The following CDKAL1 variants were observed in gnomAD, a reference collection of about 807,000 sequenced individuals.
The protein encoded by CDKAL1 is CDKAL1 threonylcarbamoyladenosine tRNA methylthiotransferase, also known as threonylcarbamoyladenosine tRNA methylthiotransferase.
Under a neutral mutation model 68.2 loss-of-function variants are expected in CDKAL1, and 32 were observed. The ratio of observed to expected loss-of-function variants is 0.47; its 90% CI spans 0.35 to 0.63. The LOEUF (loss-of-function observed/expected upper bound fraction) is 0.63, where lower values mean the gene tolerates loss of function less well. CDKAL1 is among the 30% of genes least tolerant of loss of function. CDKAL1 has a pLI of 0.00. For synonymous variants in CDKAL1, 234 were observed against 244.3 expected (o/e 0.96, Z 0.39); for missense variants, 606 against 696.7 (o/e 0.87, Z 1.47).
chr6:20,935,377 C>T (rs888516855), intron 9 of CDKAL1, among the ~76,000 whole-genome samples: 7 of 151,380 alleles, frequency 4.6e-5, no homozygotes, highest in Admixed American at 6.6e-5. Flanking sequence ...CTCCCTCATT[C>T]TTCTCATTTT....
At chr6:20,574,984 C>T (rs778860089) in intron 4 of CDKAL1, among the ~76,000 whole-genome samples, 2 of 151,984 alleles carry the variant, frequency 1.3e-5, no homozygotes, top group Admixed American at 6.6e-5. Context: ...AATGCATCCT[C>T]CTCATTTAAG....
chr6:20,833,781 T>A (rs570633957), intron 8 of CDKAL1, among the ~76,000 whole-genome samples: 1 of 152,300 alleles, frequency 6.6e-6, no homozygotes, highest in East Asian at 1.9e-4. Flanking sequence ...CTTTCCTTGT[T>A]TTTTAATGCC....
chr6:20,728,986 A>G (rs1772782226), intron 5 of CDKAL1, among the ~76,000 whole-genome samples: 2 of 152,224 alleles, frequency 1.3e-5, no homozygotes, highest in Admixed American at 1.3e-4. Context: ...TAATAATAAC[A>G]TATGGCATTT....
intron 9 of CDKAL1, among the ~76,000 whole-genome samples, chr6:20,943,332 A>G (rs1561903695): frequency 1.2e-5 from 1 of 86,402 alleles, no homozygotes; most frequent in African/African-American, 4.2e-5. Flanking sequence ...TTTTTTCAAA[A>G]AAAAAAAAAA....
chr6:20,722,415 T>A, intron 5 of CDKAL1: 1 of 250,136 alleles, frequency 4.0e-6, no homozygotes, highest in Non-Finnish European at 7.9e-6. Flanking sequence ...TTCTCTTAGA[T>A]TTGCAACTGG....
chr6:21,125,597 G>A (rs1308113929), intron 13 of CDKAL1, among the ~76,000 whole-genome samples: 3 of 152,144 alleles, frequency 2.0e-5, no homozygotes, highest in Admixed American at 1.3e-4. Context: ...GCTTGAACCC[G>A]GCGGGGGTGG....
intron 4 of CDKAL1, among the ~76,000 whole-genome samples, chr6:20,586,130 T>TATC: frequency 6.6e-6 from 1 of 152,284 alleles, no homozygotes; most frequent in East Asian, 1.9e-4. Context: ...TCCATAATCC[T>TATC]ATCATTTTTA....
intron 6 of CDKAL1, among the ~76,000 whole-genome samples, chr6:20,743,900 T>C (rs1050414123): frequency 6.6e-6 from 1 of 152,214 alleles, no homozygotes; most frequent in Non-Finnish European, 1.5e-5. Flanking sequence ...TAAAAAGTTT[T>C]AGCCAAAATC....
intron 11 of CDKAL1, among the ~76,000 whole-genome samples, chr6:21,016,750 C>T (rs539808708): frequency 3.9e-5 from 6 of 152,162 alleles, no homozygotes; most frequent in Middle Eastern, 3.4e-3. Context: ...TACCTTCTCC[C>T]ACCCAATCTA....
intron 2 of CDKAL1, among the ~76,000 whole-genome samples, chr6:20,537,844 T>C (rs1057075927): frequency 6.6e-6 from 1 of 151,532 alleles, no homozygotes; most frequent in African/African-American, 2.4e-5. Context: ...AACTTTCATT[T>C]CCATATGATT....
rs1767367561 is a variant in CDKAL1, at chr6:21,000,429, G to A, written c.1055+57G>A. 4 of 1,467,796 alleles carry A rather than the reference G, an allele frequency of 2.7e-6. No homozygotes were observed. The African/African-American group carries it at 5.6e-5, about 21-fold the overall frequency. The allele number at this position is 1,467,796 out of a possible 1,614,324, so 90.9% of individuals were successfully genotyped here. On this transcript the variant is annotated intron_variant, in intron 11 of 15. Transcript: ENST00000274695. ...TTTCTTTTTTCTTTCAAAAGCTTGT[G>A]GCAAAAATGCACTTATTGCAGCCTT...
chr6:21,063,723 T>A (rs1446258376), intron 11 of CDKAL1, among the ~76,000 whole-genome samples: 7 of 152,106 alleles, frequency 4.6e-5, no homozygotes, highest in Non-Finnish European at 7.4e-5. Context: ...TTGAATTAAT[T>A]TTTTTTGCAA....
At chr6:20,980,212 TA>T (rs1766052420) in intron 10 of CDKAL1, among the ~76,000 whole-genome samples, 13 of 151,792 alleles carry the variant, frequency 8.6e-5, no homozygotes, top group Admixed American at 6.6e-4. Context: ...GATATAGATA[TA>T]GATATAGATA....
rs1302235207 is a variant in CDKAL1, at chr6:21,102,110, T to G, written c.1237-6291T>G. Among the ~76,000 whole-genome samples the G allele has an allele frequency of 3.9e-5, 6 of 152,164 alleles. No homozygotes were observed. The East Asian group carries it at 1.2e-3, about 29-fold the overall frequency. On this transcript the variant is annotated intron_variant, in intron 12 of 15. Transcript: ENST00000274695. ...TTTTTCCATTATGTGTTCTAATCAT[T>G]TAGCCTTTCTTCAGCCCAACTAGGA...
intron 9 of CDKAL1, among the ~76,000 whole-genome samples, chr6:20,908,734 G>A (rs1189383880): frequency 6.6e-6 from 1 of 152,174 alleles, no homozygotes; most frequent in Non-Finnish European, 1.5e-5. Context: ...ATCTTCTAAT[G>A]AATAGACTGC....
At chr6:20,965,123 C>A (rs139599439) in intron 10 of CDKAL1, among the ~76,000 whole-genome samples, 1 of 152,068 alleles carries the variant, frequency 6.6e-6, no homozygotes, top group African/African-American at 2.4e-5. Context: ...CCAGCCTGTT[C>A]AATACAGTGA....
intron 7 of CDKAL1, among the ~76,000 whole-genome samples, chr6:20,778,675 A>G (rs1277789526): frequency 6.6e-6 from 1 of 152,204 alleles, no homozygotes; most frequent in Non-Finnish European, 1.5e-5. Context: ...GTGTTAAGTT[A>G]CAGTCCACAG....
intron 13 of CDKAL1, among the ~76,000 whole-genome samples, chr6:21,173,625 TG>T (rs1196215061): frequency 6.6e-6 from 1 of 152,184 alleles, no homozygotes; most frequent in African/African-American, 2.4e-5. Flanking sequence ...TGCTAGGTAG[TG>T]GGGCTATAAC....
At position 20,553,543 on chromosome 6, in the gene CDKAL1, G is replaced by T. The variant is rs967916724; in HGVS notation, c.286+4838G>T. On this transcript the variant is annotated intron_variant, in intron 4 of 15. Coordinates refer to ENST00000274695, the MANE Select transcript of CDKAL1 (RefSeq NM_017774.3). ...AACAAAAACAACAGCTTCATAAAGC[G>T]AACTGTCAGAGCAGTTTGCTGTTGT... Among the ~76,000 whole-genome samples the T allele has an allele frequency of 2.0e-5, 3 of 152,114 alleles. No individual in the cohort carries two copies. The South Asian group carries it at 6.2e-4, about 32-fold the overall frequency.
Sources: gnomAD v4.1 joint callset for allele counts (sites outside exome capture counted in the v4.1 genomes callset) on GRCh38, gnomAD v4.1.1 for gene constraint, MANE v1.5 for transcripts, NCBI Gene and HGNC (gene_info 2026-07-23, HGNC 2026-07-21) for gene names.